Variants in ATP13A2 observed in about 807,000 individuals in gnomAD.
ATP13A2 encodes polyamine-transporting ATPase 13A2.
Under a neutral mutation model 138.3 loss-of-function variants are expected in ATP13A2, and 83 were observed. The ratio of observed to expected loss-of-function variants is 0.60; its 90% CI spans 0.50 to 0.72. ATP13A2 has a LOEUF of 0.72. Ranked by LOEUF, ATP13A2 falls within the 30% of genes least tolerant of loss-of-function variation. The pLI is 0.00. For synonymous variants in ATP13A2, 663 were observed against 699.0 expected (o/e 0.95, Z 0.81); for missense variants, 1,402 against 1,606.4 (o/e 0.87, Z 2.17).
At position 17,005,488 on chromosome 1, in the gene ATP13A2, A is replaced by G. The variant is rs2077521165; in HGVS notation, c.174T>C (p.Ala58=). The change falls in exon 3 of 29, where the codon GCT becomes GCC. Residue 58 remains alanine (A), a synonymous_variant. Transcript: ENST00000326735. ...AACGGAAGAGCAGCAAAGGGATCCC[A>G]GCCATCATCCAGACCACGACGTGAT... ...IGYHVVVWMM[A]GIPLLLFRWK... 6.2e-7 allele frequency: 1 copy of G among 1,614,124 alleles called. No homozygotes were observed. Among genetic ancestry groups the G allele is most frequent in the Admixed American group, 1.7e-5 (1 of 60,016 alleles).
intron 1 of ATP13A2, among the ~76,000 whole-genome samples, chr1:17,006,566 C>T (rs561610101): frequency 2.0e-5 from 3 of 152,130 alleles, no homozygotes; most frequent in African/African-American, 7.2e-5. Context: ...TGTCTTGTTT[C>T]CTTGCGTGTG....
intron 8 of ATP13A2, among the ~76,000 whole-genome samples, chr1:17,001,788 C>T (rs1208093664): frequency 6.6e-6 from 1 of 152,228 alleles, no homozygotes; most frequent in Non-Finnish European, 1.5e-5. Context: ...GGATTTGCCT[C>T]TTGGCCTCCA....
intron 6 of ATP13A2, among the ~76,000 whole-genome samples, chr1:17,002,994 G>A (rs555717016): frequency 2.0e-5 from 3 of 152,278 alleles, no homozygotes; most frequent in African/African-American, 4.8e-5. Flanking sequence ...CCCGGAAAGC[G>A]TGGAAGACTT....
intron 2 of ATP13A2, 44 bp from the exon 3 acceptor site, chr1:17,005,600 G>A (rs762304681): frequency 1.1e-5 from 18 of 1,613,812 alleles, no homozygotes; most frequent in Non-Finnish European, 1.4e-5. Flanking sequence ...GTGGGAACGG[G>A]GCTGGAGTAG....
Position 16,985,978 on chromosome 1 carries a change from T to G in ATP13A2, c.*243A>C, listed in dbSNP as rs777596557. ...GCAGAGCCAGGAAAATATCATGACTTTATTTGCTACACTGACAGCAGCACT... is the reference window on the plus strand; with the variant it reads ...GCAGAGCCAGGAAAATATCATGACTGTATTTGCTACACTGACAGCAGCACT... On this transcript the variant is annotated 3_prime_UTR_variant, in exon 29 of 29. Transcript: ENST00000326735. 357 of 1,442,066 alleles carry G rather than the reference T, an allele frequency of 2.5e-4. No homozygotes were observed. The Middle Eastern group carries it at 4.2e-3, about 17-fold the overall frequency. The allele number at this position is 1,442,066 out of a possible 1,614,324, so 89.3% of individuals were successfully genotyped here. A position where few individuals can be genotyped will look rare whatever the true frequency, so the allele number is the denominator to read the frequency against.
In ATP13A2 at chr1:16,986,173, G is replaced by A. The variant is rs753438720; in HGVS notation, c.*48C>T. On this transcript the variant is annotated 3_prime_UTR_variant, in exon 29 of 29. Coordinates refer to ENST00000326735, the MANE Select transcript of ATP13A2 (RefSeq NM_022089.4). The surrounding 1 kb of genome is among the most constrained non-coding windows in gnomAD (Gnocchi z 6.9). ...GTTGCTGGAGAGGGGTCCAGTTGGT[G>A]GCTCAGAGGCAGGGAGTTCCAGTGT... 6.2e-7 allele frequency: 1 copy of A among 1,612,078 alleles called. No individual in the cohort carries two copies. Among genetic ancestry groups the A allele is most frequent in the South Asian group, 1.1e-5 (1 of 90,470 alleles).
intron 1 of ATP13A2, among the ~76,000 whole-genome samples, chr1:17,006,609 G>C (rs2077571324): frequency 6.6e-6 from 1 of 152,086 alleles, no homozygotes; most frequent in African/African-American, 2.4e-5. Flanking sequence ...CCCAGAATTG[G>C]AGAATGGGGC....
At position 17,005,724 on chromosome 1, in the gene ATP13A2, C is replaced by T. The variant is rs1439673688; in HGVS notation, c.65G>A (p.Gly22Glu). 2.5e-6 allele frequency: 4 copies of T among 1,613,676 alleles called. No individual in the cohort carries two copies. The highest frequency in any genetic ancestry group is 3.4e-6 in the Non-Finnish European group (4 of 1,179,808). Reference sequence around the variant, plus strand: ...GGAGCTGAGGGGATCTATTGATGTCCCTATCGTCAGGGTCCCATAACCGGT... The same window carrying T: ...GGAGCTGAGGGGATCTATTGATGTCTCTATCGTCAGGGTCCCATAACCGGT... ...TPTGYGTLTI[G>E]TSIDPLSSSV... Residue 22 changes from glycine (G) to glutamate (E), a missense_variant, in exon 2 of 29, where the codon GGG becomes GAG. Gly to Glu is a moderately conservative substitution (Grantham distance 98, BLOSUM62 -2). Coordinates refer to ENST00000326735, the MANE Select transcript of ATP13A2 (RefSeq NM_022089.4).
rs146698166 is a variant in ATP13A2 at position 16,991,835 on chromosome 1, C to T, written c.2150G>A (p.Ser717Asn). ...LTRDTVEGDL[S>N]LLGLLVMRNL... The stretch of plus-strand genomic sequence containing the variant: ...CCTCATGACCAGCAGCCCCAGGAGG[C>T]TCAGGTCTCCTTCCACAGTGTCCCT... Residue 717 changes from serine to asparagine, a missense_variant, in exon 20 of 29, where the codon AGC (serine) becomes AAC (asparagine). Physicochemically the swap from Ser to Asn is conservative, Grantham distance 46. Transcript: ENST00000326735. The T allele has an allele frequency of 6.2e-7, 1 of 1,614,022 alleles. No individual in the cohort carries two copies. Among genetic ancestry groups the T allele is most frequent in the African/African-American group, 1.3e-5 (1 of 74,950 alleles).
rs1476525580 is a variant in ATP13A2 at position 17,011,730 on chromosome 1, T to A, written c.9A>T (p.Ala3=). Residue 3 remains alanine (A), a splice_region_variant and synonymous_variant, in exon 1 of 29, where the codon GCA becomes GCT. Coordinates refer to ENST00000326735, the MANE Select transcript of ATP13A2 (RefSeq NM_022089.4). The surrounding 1 kb of genome is among the most constrained non-coding windows in gnomAD (Gnocchi z 7.3). The part of the protein sequence containing the change: MS[A]DSSPLVGSTP... Reference sequence around the variant, plus strand: ...GGCCGACCCGGACTCCGCACTCACCTGCGCTCATGCCGGCTCCTCGCGCTC... The same window carrying A: ...GGCCGACCCGGACTCCGCACTCACCAGCGCTCATGCCGGCTCCTCGCGCTC... 26 of 1,477,854 alleles carry A rather than the reference T, an allele frequency of 1.8e-5. No homozygotes were observed. The highest frequency in any genetic ancestry group is 2.2e-5 in the Non-Finnish European group (25 of 1,120,440). 91.5% of individuals were successfully genotyped at this position (1,477,854 alleles called of 1,614,324 possible).
chr1:16,999,629 C>T (rs895672537), intron 11 of ATP13A2, among the ~76,000 whole-genome samples: 4 of 152,060 alleles, frequency 2.6e-5, no homozygotes, highest in South Asian at 2.1e-4. Flanking sequence ...GGAGGCGGAG[C>T]GCTGGCACAC....
intron 7 of ATP13A2, 36 bp downstream of exon 7, chr1:17,002,260 A>T: frequency 6.2e-7 from 1 of 1,606,726 alleles, no homozygotes; most frequent in Non-Finnish European, 8.5e-7. Flanking sequence ...AAGGAGCCCC[A>T]GTTCTCAGGG....
chr1:16,993,929 T>G, intron 15 of ATP13A2, 94 bp from the exon 16 acceptor site: 1 of 1,108,660 alleles, frequency 9.0e-7, no homozygotes, highest in Non-Finnish European at 1.3e-6. Context: ...GCGGACCCTA[T>G]GGGAACCCCA....
At chr1:16,991,961 C>T in intron 19 of ATP13A2, 48 bp downstream of exon 19, 1 of 1,608,670 alleles carries the variant, frequency 6.2e-7, no homozygotes, top group African/African-American at 1.3e-5. Flanking sequence ...GCGTGAGAGC[C>T]TCCCTCTGCC....
In ATP13A2 at chr1:17,005,763, A is replaced by G; in HGVS notation, c.26T>C (p.Val9Ala). The change falls in exon 2 of 29, where the codon GTG (valine) becomes GCG (alanine). Residue 9 changes from valine (V) to alanine (A), a missense_variant. By Grantham distance (64) the Val-to-Ala change is moderately conservative. Transcript: ENST00000326735. The part of the protein sequence containing the change: MSADSSPL[V>A]GSTPTGYGTL... The stretch of plus-strand genomic sequence containing the variant: ...CCCATAACCGGTGGGCGTGCTGCCC[A>G]CGAGAGGGCTGCTGTCTGTGGACAG... 6.2e-7 allele frequency: 1 copy of G among 1,611,692 alleles called. No homozygotes were observed. Among genetic ancestry groups the G allele is most frequent in the South Asian group, 1.1e-5 (1 of 90,536 alleles).
chr1:17,006,799 A>G (rs2077577568), intron 1 of ATP13A2, among the ~76,000 whole-genome samples: 1 of 152,174 alleles, frequency 6.6e-6, no homozygotes, highest in African/African-American at 2.4e-5. Flanking sequence ...ATGCAAAGTC[A>G]AGTCTGGACT....
intron 3 of ATP13A2, 143 bp from the exon 4 acceptor site, chr1:17,005,215 T>C: frequency 6.9e-7 from 1 of 1,450,778 alleles, no homozygotes; most frequent in African/African-American, 1.4e-5. Context: ...CCGTCCCTTC[T>C]GCCCAATGCT....
Position 17,011,655 on chromosome 1 carries a change from C to T in ATP13A2, c.10+74G>A. 1 of 1,437,190 alleles carries T rather than the reference C, an allele frequency of 7.0e-7. No individual in the cohort carries two copies. The highest frequency in any genetic ancestry group is 1.5e-5 in the African/African-American group (1 of 67,128). The allele number at this position is 1,437,190 out of a possible 1,614,324, so 89.0% of individuals were successfully genotyped here. ...GGTGGGGGGCGTCGCCTCCCCTCTCCCTCCAAGGGGTGACGACAACTGGCG... is the reference window on the plus strand; with the variant it reads ...GGTGGGGGGCGTCGCCTCCCCTCTCTCTCCAAGGGGTGACGACAACTGGCG... On this transcript the variant is annotated intron_variant, in intron 1 of 28. Coordinates refer to ENST00000326735, the MANE Select transcript of ATP13A2 (RefSeq NM_022089.4). The surrounding 1 kb of genome is among the most constrained non-coding windows in gnomAD (Gnocchi z 7.3).
chr1:17,002,987 G>A (rs759339353), intron 6 of ATP13A2, among the ~76,000 whole-genome samples: 5 of 152,262 alleles, frequency 3.3e-5, no homozygotes, highest in African/African-American at 4.8e-5. Context: ...CTGTGAGCCC[G>A]GAAAGCGTGG....
Sources: gnomAD v4.1 joint callset for allele counts (sites outside exome capture counted in the v4.1 genomes callset) on GRCh38, gnomAD v4.1.1 for gene constraint, Gnocchi (gnomAD v3.1) non-coding constraint, MANE v1.5 for transcripts, NCBI Gene and HGNC (gene_info 2026-07-23, HGNC 2026-07-21) for gene names.